ZNF625: variants seen among roughly 807,000 people sequenced by gnomAD.
ZNF625 encodes zinc finger protein 625.
Under a neutral mutation model 11.1 loss-of-function variants are expected in ZNF625, and 8 were observed. The ratio of observed to expected loss-of-function variants is 0.72; its 90% CI spans 0.42 to 1.30. ZNF625 has a LOEUF of 1.30. Among genes scored for constraint, ZNF625 ranks in the 50% most tolerant of loss-of-function variants. ZNF625 has a pLI of 0.01. For missense variants in ZNF625, 349 were observed against 447.6 expected (o/e 0.78, Z 1.99); for synonymous variants, 145 against 153.4 (o/e 0.95, Z 0.41).
At chr19:12,153,568 C>T (rs1444298066) in intron 1 of ZNF625, among the ~76,000 whole-genome samples, 1 of 150,638 alleles carries the variant, frequency 6.6e-6, no homozygotes, top group Non-Finnish European at 1.5e-5. Flanking sequence ...TCTGTAATTC[C>T]AGCTACTTGG....
chr19:12,147,941 T>C (rs948289558), intron 1 of ZNF625, 139 bp from the exon 2 acceptor site: 15 of 964,838 alleles, frequency 1.6e-5, no homozygotes, highest in Non-Finnish European at 2.2e-5. Flanking sequence ...CTTTTTACTC[T>C]GTCAACACTC....
chr19:12,153,543 G>A lies in ZNF625; in HGVS notation c.3+3013C>T, dbSNP rs181959998. 2.2e-4 allele frequency among the ~76,000 whole-genome samples: 34 copies of A among 151,546 alleles called. 1 individual carries two copies. Among genetic ancestry groups the A allele is most frequent in the African/African-American group, 7.2e-4 (30 of 41,408 alleles). On this transcript the variant is annotated intron_variant, in intron 1 of 3. Coordinates refer to ENST00000439556, the MANE Select transcript of ZNF625 (RefSeq NM_145233.4). ...CTACTAAAAATACAAAAATTGCCGGGTATGGTGGCGCAGGTCTGTAATTCC... is the reference window on the plus strand; with the variant it reads ...CTACTAAAAATACAAAAATTGCCGGATATGGTGGCGCAGGTCTGTAATTCC...
chr19:12,151,404 G>T (rs1976953858), intron 1 of ZNF625, among the ~76,000 whole-genome samples: 1 of 135,898 alleles, frequency 7.4e-6, no homozygotes. Context: ...TTTTTGAGAC[G>T]GAGTCTCGCT....
rs749584574 is a variant in ZNF625, at chr19:12,146,186, T to A, written c.230A>T (p.Asp77Val). ...GGTCAAAATTTCTCCATGCTGATGA[T>A]CTTTCTTACTTTCTAAGAGTCTCTC... ...MGERLLESKK[D>V]HQHGEILTQV... The change falls in exon 4 of 4, where the codon GAT (aspartate) becomes GTT (valine). Residue 77 changes from aspartate to valine, a missense_variant. Asp to Val is a radical substitution (Grantham distance 152). Coordinates refer to ENST00000439556, the MANE Select transcript of ZNF625 (RefSeq NM_145233.4). 6.2e-7 allele frequency: 1 copy of A among 1,614,134 alleles called. No homozygotes were observed. The highest frequency in any genetic ancestry group is 2.2e-5 in the East Asian group (1 of 44,892).
chr19:12,145,525 G>A lies in ZNF625; in HGVS notation c.891C>T (p.His297=), dbSNP rs1387697483. ...FNSVRYHERT[H]TGEKPYECKQ... ...TACATTCATAGGGCTTCTCTCCAGT[G>A]TGAGTTCTTTCATGATATCGAACGG... Residue 297 remains histidine, a synonymous_variant, in exon 4 of 4, where the codon CAC becomes CAT. Coordinates refer to ENST00000439556, the MANE Select transcript of ZNF625 (RefSeq NM_145233.4). The A allele has an allele frequency of 1.9e-6, 3 of 1,607,692 alleles. No individual in the cohort carries two copies. Among genetic ancestry groups the A allele is most frequent in the Non-Finnish European group, 2.6e-6 (3 of 1,174,362 alleles).
chr19:12,151,377 A>ATTTTTTT (rs35302529), intron 1 of ZNF625, among the ~76,000 whole-genome samples: 1 of 111,692 alleles, frequency 9.0e-6, no homozygotes, highest in African/African-American at 3.6e-5. Flanking sequence ...CACCTGGGTA[A>ATTTTTTT]TTTTTTTTTT....
At chr19:12,154,199 C>T (rs541710368) in intron 1 of ZNF625, among the ~76,000 whole-genome samples, 6 of 152,216 alleles carry the variant, frequency 3.9e-5, no homozygotes, top group Admixed American at 3.9e-4. Flanking sequence ...ATTAACTTTC[C>T]TCTTACCTTT....
At position 12,145,262 on chromosome 19, in the gene ZNF625, ATTGGAT is replaced by A; in HGVS notation, c.*29_*34del. The A allele has an allele frequency of 6.5e-7, 1 of 1,543,258 alleles. No individual in the cohort carries two copies. The highest frequency in any genetic ancestry group is 8.7e-7 in the Non-Finnish European group (1 of 1,145,516). ...TTGAGGGAAACACATTTTTACCATG[ATTGGAT>A]TCGGTGGCTTCTAGGAATCTTATGT... On this transcript the variant is annotated 3_prime_UTR_variant, in exon 4 of 4. Coordinates refer to ENST00000439556, the MANE Select transcript of ZNF625 (RefSeq NM_145233.4).
intron 1 of ZNF625, among the ~76,000 whole-genome samples, chr19:12,151,820 C>A (rs1174995275): frequency 1.3e-5 from 2 of 152,048 alleles, no homozygotes; most frequent in African/African-American, 4.8e-5. Context: ...GACCATACTC[C>A]TGTATTTCTT....
rs376891408 is a variant in ZNF625, at chr19:12,149,082, C to T, written c.4-1280G>A. On this transcript the variant is annotated intron_variant, in intron 1 of 3. Coordinates refer to ENST00000439556, the MANE Select transcript of ZNF625 (RefSeq NM_145233.4). ...GGATCACGAGGTCAGGAGATCAAGA[C>T]CATTCTGGCCAACATAGTGAAACCC... Among the ~76,000 whole-genome samples the T allele has an allele frequency of 9.5e-4, 145 of 151,916 alleles. 2 individuals carry two copies. The highest frequency in any genetic ancestry group is 3.3e-3 in the African/African-American group (136 of 41,452).
Position 12,145,072 on chromosome 19 carries a change from T to C in ZNF625, c.*225A>G. 1.8e-6 allele frequency: 1 copy of C among 566,822 alleles called. No homozygotes were observed. Among genetic ancestry groups the C allele is most frequent in the Non-Finnish European group, 3.1e-6 (1 of 320,150 alleles). The allele number at this position is 566,822 out of a possible 1,614,324, so 35.1% of individuals were successfully genotyped here. A position where few individuals can be genotyped will look rare whatever the true frequency, so the allele number is the denominator to read the frequency against. ...TAAGGTCTTACTGGAGGTGTGTCTC[T>C]CTTAAGAGTTATTTCCAACTCTGTG... is the stretch of plus-strand genomic sequence containing the variant. On this transcript the variant is annotated 3_prime_UTR_variant, in exon 4 of 4. Transcript: ENST00000439556.
intron 1 of ZNF625, among the ~76,000 whole-genome samples, chr19:12,151,201 TTTC>T (rs1976949626): frequency 6.6e-6 from 1 of 151,164 alleles, no homozygotes; most frequent in Non-Finnish European, 1.5e-5. Context: ...TACTCTTGTA[TTTC>T]TTTTTTTTTT....
rs1349959636 is a variant in ZNF625 at position 12,147,532 on chromosome 19, C to T, written c.131-77G>A. ...AGTACTAGATTCTAAGTTCATGGTA[C>T]ACTGCAGCCTTGCAGCATTTATTCA... On this transcript the variant is annotated intron_variant, in intron 2 of 3. Coordinates refer to ENST00000439556, the MANE Select transcript of ZNF625 (RefSeq NM_145233.4). 2.6e-6 allele frequency: 4 copies of T among 1,518,084 alleles called. No individual in the cohort carries two copies. In the African/African-American group the frequency reaches 5.6e-5, roughly 21 times the overall value. 94.0% of individuals were successfully genotyped at this position (1,518,084 alleles called of 1,614,324 possible).
chr19:12,151,556 T>C (rs1976956314), intron 1 of ZNF625, among the ~76,000 whole-genome samples: 1 of 152,030 alleles, frequency 6.6e-6, no homozygotes, highest in East Asian at 1.9e-4. Context: ...ATTTTTTGTA[T>C]TTTTAGTAGA....
chr19:12,150,496 C>T (rs751940891), intron 1 of ZNF625, among the ~76,000 whole-genome samples: 2 of 152,166 alleles, frequency 1.3e-5, no homozygotes, highest in Non-Finnish European at 2.9e-5. Context: ...ACCCTTGATA[C>T]CTCACCAAGT....
At chr19:12,153,657 C>T (rs1286444419) in intron 1 of ZNF625, among the ~76,000 whole-genome samples, 1 of 143,402 alleles carries the variant, frequency 7.0e-6, no homozygotes, top group Non-Finnish European at 1.5e-5. Context: ...GCACTCCAGC[C>T]TGGGTGACAG....
chr19:12,151,204 CTTTTTTTTTT>C (rs573002649), intron 1 of ZNF625, among the ~76,000 whole-genome samples: 1 of 133,974 alleles, frequency 7.5e-6, no homozygotes, highest in African/African-American at 2.7e-5. Context: ...TCTTGTATTT[CTTTTTTTTTT>C]TTTTTTCTTT....
At chr19:12,149,938 C>T (rs1976932369) in intron 1 of ZNF625, among the ~76,000 whole-genome samples, 2 of 152,096 alleles carry the variant, frequency 1.3e-5, no homozygotes, top group Non-Finnish European at 2.9e-5. Context: ...AGGGTTTCTC[C>T]ATGTTGGTCA....
At chr19:12,152,318 T>C (rs2145613585) in intron 1 of ZNF625, among the ~76,000 whole-genome samples, 1 of 152,120 alleles carries the variant, frequency 6.6e-6, no homozygotes, top group South Asian at 2.1e-4. Context: ...CATGAATATC[T>C]CCTTTAAATT....
Sources: allele counts gnomAD v4.1 joint callset (sites outside exome capture counted in the v4.1 genomes callset), GRCh38; gene constraint gnomAD v4.1.1; transcripts MANE v1.5; gene names NCBI Gene and HGNC (gene_info 2026-07-23, HGNC 2026-07-21).